The following CLEC16A variants were observed in gnomAD, a reference collection of about 807,000 sequenced individuals.
CLEC16A encodes the protein C-type lectin domain containing 16A.
In CLEC16A, 51 loss-of-function variants were observed where a neutral mutation model predicts 109.5. That is an observed-to-expected ratio of 0.47 (90% CI 0.37 to 0.59). The LOEUF (loss-of-function observed/expected upper bound fraction) is 0.59, where lower values mean the gene tolerates loss of function less well. CLEC16A is among the 20% of genes least tolerant of loss of function. CLEC16A has a pLI of 0.00. For missense variants in CLEC16A, 1,339 were observed against 1,394.0 expected, an observed-to-expected ratio of 0.96 and a Z score of 0.63; for synonymous variants, 673 against 564.2, an observed-to-expected ratio of 1.19 and a Z score of -2.73.
intron 17 of CLEC16A, among the ~76,000 whole-genome samples, chr16:11,050,352 C>G (rs9302458): frequency 0.23 from 34,417 of 152,154 alleles, 5,627 homozygotes; most frequent in African/African-American, 0.47. Flanking sequence ...ACCATAGCAC[C>G]AGGTATCTGG....
intron 13 of CLEC16A, among the ~76,000 whole-genome samples, chr16:11,029,270 C>A (rs749261687): frequency 4.6e-5 from 7 of 152,322 alleles, no homozygotes; most frequent in Middle Eastern, 3.4e-3. Flanking sequence ...CTGGCCCCCC[C>A]AGTGTGAGCT....
At chr16:11,082,113 G>C (rs368665192) in intron 19 of CLEC16A, among the ~76,000 whole-genome samples, 1 of 152,222 alleles carries the variant, frequency 6.6e-6, no homozygotes, top group African/African-American at 2.4e-5. Flanking sequence ...TTGAAGTTCT[G>C]TGAAGGTTCG....
At chr16:11,160,346 G>C (rs2054678319) in intron 22 of CLEC16A, among the ~76,000 whole-genome samples, 1 of 152,110 alleles carries the variant, frequency 6.6e-6, no homozygotes, top group Admixed American at 6.5e-5. Flanking sequence ...CTCTTTCTGG[G>C]TCTTAACAAT....
chr16:11,060,753 T>C, intron 18 of CLEC16A, 149 bp from the exon 19 acceptor site: 1 of 739,432 alleles, frequency 1.4e-6, no homozygotes, highest in Non-Finnish European at 2.0e-6. Flanking sequence ...TAAAAGCACG[T>C]ACCAGAATCA....
chr16:11,025,339 A>G lies in CLEC16A; in HGVS notation c.1537+418A>G, dbSNP rs76441244. On this transcript the variant is annotated intron_variant, in intron 13 of 23. Coordinates refer to ENST00000409790, the MANE Select transcript of CLEC16A (RefSeq NM_015226.3). ...TTCTTATTCTGTGTTCAGAGCTGAA[A>G]TAGACCCTGGGTGGACTTGGTGGAA... 4.5e-3 allele frequency among the ~76,000 whole-genome samples: 689 copies of G among 152,304 alleles called. 5 individuals carry two copies. The highest frequency in any genetic ancestry group is 0.031 in the Middle Eastern group (9 of 294).
chr16:11,141,694 G>A (rs1358526435), intron 22 of CLEC16A, among the ~76,000 whole-genome samples: 1 of 152,258 alleles, frequency 6.6e-6, no homozygotes, highest in Non-Finnish European at 1.5e-5. Flanking sequence ...AGAAACCAGG[G>A]CAGCTGGGTG....
At chr16:11,114,752 A>G (rs1399577687) in intron 19 of CLEC16A, among the ~76,000 whole-genome samples, 2 of 152,140 alleles carry the variant, frequency 1.3e-5, no homozygotes, top group Non-Finnish European at 1.5e-5. Context: ...GGAGTTCCCT[A>G]AAATGATACT....
At chr16:10,986,560 G>A (rs759394765) in intron 10 of CLEC16A, among the ~76,000 whole-genome samples, 11 of 152,026 alleles carry the variant, frequency 7.2e-5, no homozygotes, top group Non-Finnish European at 1.0e-4. Flanking sequence ...CATCCCCCCA[G>A]CCCCAGCAAT....
intron 19 of CLEC16A, among the ~76,000 whole-genome samples, chr16:11,087,271 C>G (rs1427435877): frequency 6.6e-6 from 1 of 151,920 alleles, no homozygotes; most frequent in Non-Finnish European, 1.5e-5. Context: ...TTAAGGCTCC[C>G]CTGGGACCCC....
chr16:10,969,879 G>A (rs1341519350), intron 4 of CLEC16A, among the ~76,000 whole-genome samples: 1 of 152,180 alleles, frequency 6.6e-6, no homozygotes, highest in African/African-American at 2.4e-5. Context: ...TATACATCTT[G>A]TAGGGTTATT....
intron 14 of CLEC16A, chr16:11,040,266 G>C (rs1275218036): frequency 1.1e-5 from 2 of 182,522 alleles, no homozygotes; most frequent in Admixed American, 1.1e-4. Context: ...CGGGCCAGTA[G>C]ACGTAGGAGA....
intron 22 of CLEC16A, among the ~76,000 whole-genome samples, chr16:11,139,217 C>T (rs2053709734): frequency 6.6e-6 from 1 of 152,106 alleles, no homozygotes; most frequent in Non-Finnish European, 1.5e-5. Flanking sequence ...TCCGGGGTGG[C>T]CCACTCATAG....
At chr16:11,040,968 C>G (rs540368524) in intron 14 of CLEC16A, 13 of 152,286 alleles carry the variant, frequency 8.5e-5, no homozygotes, top group African/African-American at 2.9e-4. Context: ...TTTCCAAGGC[C>G]TTAGAGGCAT....
At chr16:11,044,350 A>G (rs1411923724) in intron 16 of CLEC16A, 1 of 291,234 alleles carries the variant, frequency 3.4e-6, no homozygotes, top group African/African-American at 2.2e-5. Flanking sequence ...GAATAATTAT[A>G]TGTAAATTAT....
chr16:11,144,293 C>T (rs1357553010), intron 22 of CLEC16A, among the ~76,000 whole-genome samples: 6 of 152,220 alleles, frequency 3.9e-5, no homozygotes, highest in African/African-American at 9.6e-5. Context: ...TGGACAGCGG[C>T]CTCAGTCTCC....
intron 13 of CLEC16A, chr16:11,027,844 G>GTGTC: frequency 1.4e-6 from 1 of 692,060 alleles, no homozygotes; most frequent in East Asian, 2.7e-5. Context: ...TTTTTATCAA[G>GTGTC]TGTCTTCAGA....
rs1236009270 is a variant in CLEC16A, at chr16:10,977,321, C to T, written c.825C>T (p.Leu275=). 6.2e-7 allele frequency: 1 copy of T among 1,613,992 alleles called. No homozygotes were observed. The highest frequency in any genetic ancestry group is 1.7e-5 in the Admixed American group (1 of 60,028). The change falls in exon 8 of 24, where the codon CTC becomes CTT. Residue 275 remains leucine (L), a synonymous_variant. Coordinates refer to ENST00000409790, the MANE Select transcript of CLEC16A (RefSeq NM_015226.3). ...NDILIINCEF[L]NDVLTDHLLN... Reference sequence around the variant, plus strand: ...TCCTGATCATCAACTGTGAGTTCCTCAACGATGTGCTCACTGACCACCTGC... The same window carrying T: ...TCCTGATCATCAACTGTGAGTTCCTTAACGATGTGCTCACTGACCACCTGC...
intron 19 of CLEC16A, among the ~76,000 whole-genome samples, chr16:11,086,565 G>A (rs921532225): frequency 3.3e-5 from 5 of 151,922 alleles, no homozygotes; most frequent in Admixed American, 6.6e-5. Context: ...GTTTTGAGAC[G>A]GAGTTTTGCT....
chr16:11,010,438 A>C (rs2045331527), intron 11 of CLEC16A, among the ~76,000 whole-genome samples: 1 of 152,174 alleles, frequency 6.6e-6, no homozygotes. Flanking sequence ...AAATAATTTC[A>C]AATTTACAAA....
Sources: gnomAD v4.1 joint callset for allele counts (sites outside exome capture counted in the v4.1 genomes callset) on GRCh38, gnomAD v4.1.1 for gene constraint, MANE v1.5 for transcripts, NCBI Gene and HGNC (gene_info 2026-07-23, HGNC 2026-07-21) for gene names.